MXI1: variants seen among roughly 807,000 people sequenced by gnomAD.
MXI1 encodes the protein max-interacting protein 1.
A neutral mutation model predicts 36.9 loss-of-function variants in MXI1; 18 were observed. The observed-to-expected ratio is 0.49, with a 90% CI of 0.34 to 0.72. MXI1 has a LOEUF of 0.72. Ranked by LOEUF, MXI1 falls within the 30% of genes least tolerant of loss-of-function variation. The pLI, the probability that MXI1 is intolerant of heterozygous loss-of-function variation, is 0.01. For missense variants in MXI1, 304 were observed against 379.1 expected, an observed-to-expected ratio of 0.80 and a Z score of 1.64; for synonymous variants, 160 against 146.7, an observed-to-expected ratio of 1.09 and a Z score of -0.65.
rs1019788567 is a variant in MXI1, at chr10:110,228,057, A to C, written c.275-132A>C. 1.2e-5 allele frequency: 12 copies of C among 1,008,352 alleles called. No individual in the cohort carries two copies. The African/African-American group carries it at 1.9e-4, about 16-fold the overall frequency. The allele number at this position is 1,008,352 out of a possible 1,614,324, so 62.5% of individuals were successfully genotyped here. A position where few individuals can be genotyped will look rare whatever the true frequency, so the allele number is the denominator to read the frequency against. ...GGCGAGGGACATTAATTTTCTAACCAAAAAGAGTGGAAACATTTTACCTCT... is the reference window on the plus strand; with the variant it reads ...GGCGAGGGACATTAATTTTCTAACCCAAAAGAGTGGAAACATTTTACCTCT... On this transcript the variant is annotated intron_variant, in intron 1 of 5. Coordinates refer to ENST00000332674, the MANE Select transcript of MXI1 (RefSeq NM_130439.3).
rs181258971 is a variant in MXI1 at position 110,221,779 on chromosome 10, G to A, written c.275-6410G>A. On this transcript the variant is annotated intron_variant, in intron 1 of 5. Coordinates refer to ENST00000332674, the MANE Select transcript of MXI1 (RefSeq NM_130439.3). ...AAGCAACAAACTTCCAGATTCAGCC[G>A]TCTCAGATAAACACTGCCTCCCCCT... Among the ~76,000 whole-genome samples, 160 of 152,288 alleles carry A rather than the reference G, an allele frequency of 1.1e-3. 1 individual carries two copies. Among genetic ancestry groups the A allele is most frequent in the Middle Eastern group, 3.4e-3 (1 of 294 alleles).
intron 1 of MXI1, among the ~76,000 whole-genome samples, chr10:110,213,054 G>A (rs1476373388): frequency 6.6e-6 from 1 of 152,198 alleles, no homozygotes; most frequent in Non-Finnish European, 1.5e-5. Flanking sequence ...CAGGTTTGGA[G>A]GCCAGGGGAC....
intron 2 of MXI1, among the ~76,000 whole-genome samples, chr10:110,236,354 G>A (rs1030534326): frequency 1.7e-4 from 26 of 151,544 alleles, no homozygotes; most frequent in Non-Finnish European, 3.5e-4. Flanking sequence ...AATTATTATA[G>A]TTTTTCAAAA....
intron 1 of MXI1, chr10:110,227,645 G>A: frequency 1.3e-6 from 1 of 759,638 alleles, no homozygotes; most frequent in Non-Finnish European, 1.6e-6. Flanking sequence ...GTGGAGAGGG[G>A]CCTTTGAATA....
intron 2 of MXI1, among the ~76,000 whole-genome samples, chr10:110,243,191 C>T (rs752332744): frequency 4.0e-5 from 6 of 151,894 alleles, no homozygotes; most frequent in South Asian, 4.1e-4. Flanking sequence ...TTTTGAGCTC[C>T]GAGTCTCTGT....
chr10:110,214,559 G>A (rs1854582244), intron 1 of MXI1, among the ~76,000 whole-genome samples: 2 of 151,912 alleles, frequency 1.3e-5, no homozygotes, highest in African/African-American at 2.4e-5. Flanking sequence ...CTGCAGAAGC[G>A]AATTGGCCAC....
intron 4 of MXI1, among the ~76,000 whole-genome samples, 175 bp downstream of exon 4, chr10:110,279,469 T>G (rs912469479): frequency 3.3e-5 from 5 of 152,246 alleles, no homozygotes; most frequent in Admixed American, 3.3e-4. Context: ...ATAACCTGAT[T>G]AAACTAAATT....
In MXI1 at chr10:110,215,851, C is replaced by G. The variant is rs182770848; in HGVS notation, c.274+7769C>G. On this transcript the variant is annotated intron_variant, in intron 1 of 5. Transcript: ENST00000332674. The stretch of plus-strand genomic sequence containing the variant: ...GGAGGATCCTTCTGGAGGTGGAGCT[C>G]TAGGCTCACAGTGGGGAGAGAGAAA... Among the ~76,000 whole-genome samples the G allele has an allele frequency of 3.9e-5, 6 of 151,938 alleles. No individual in the cohort carries two copies. The East Asian group carries it at 1.2e-3, about 29-fold the overall frequency.
chr10:110,244,841 G>A lies in MXI1; in HGVS notation c.421G>A (p.Glu141Lys), dbSNP rs762358981. ...TSTANRSTHN[E>K]LEKNRRAHLR... ...TTTGTCTTTTAGATCTACACACAATGAGCTGGAAAAGAATCGGTGAGTCAG... is the reference window on the plus strand; with the variant it reads ...TTTGTCTTTTAGATCTACACACAATAAGCTGGAAAAGAATCGGTGAGTCAG... The change falls in exon 3 of 6, where the codon GAG becomes AAG. Residue 141 changes from glutamate to lysine, a missense_variant. This residue lies in a region of MXI1 where 125 missense variants were observed against 194.3 expected (regional missense o/e 0.64). Coordinates refer to ENST00000332674, the MANE Select transcript of MXI1 (RefSeq NM_130439.3). The A allele has an allele frequency of 1.9e-5, 30 of 1,595,592 alleles. No individual in the cohort carries two copies. The highest frequency in any genetic ancestry group is 2.6e-5 in the Non-Finnish European group (30 of 1,171,732).
In MXI1 at chr10:110,220,130, C is replaced by T. The variant is rs539668355; in HGVS notation, c.275-8059C>T. On this transcript the variant is annotated intron_variant, in intron 1 of 5. Coordinates refer to ENST00000332674, the MANE Select transcript of MXI1 (RefSeq NM_130439.3). ...ATAACATGATGTATGCTGTAGGGTCCAAGGGTCAGAAAATTCAAGTTCCAA... is the reference window on the plus strand; with the variant it reads ...ATAACATGATGTATGCTGTAGGGTCTAAGGGTCAGAAAATTCAAGTTCCAA... Among the ~76,000 whole-genome samples, 113 of 152,276 alleles carry T rather than the reference C, an allele frequency of 7.4e-4. 1 individual carries two copies. Among genetic ancestry groups the T allele is most frequent in the South Asian group, 1.7e-3 (8 of 4,824 alleles).
chr10:110,209,242 G>C (rs1304219826), intron 1 of MXI1, among the ~76,000 whole-genome samples: 2 of 152,116 alleles, frequency 1.3e-5, no homozygotes, highest in African/African-American at 4.8e-5. Flanking sequence ...CAGACAGACC[G>C]ACAGATAGGG....
intron 3 of MXI1, chr10:110,257,821 C>T: frequency 2.8e-6 from 1 of 354,052 alleles, no homozygotes; most frequent in Non-Finnish European, 5.7e-6. Context: ...CTGCTGGAAC[C>T]TATTCCCTGT....
chr10:110,245,356 T>A (rs550613343), intron 3 of MXI1, among the ~76,000 whole-genome samples: 300 of 152,258 alleles, frequency 2.0e-3, no homozygotes, highest in Non-Finnish European at 3.5e-3. Context: ...ATATGATAGT[T>A]TTTGTCCTTA....
At chr10:110,240,773 G>C (rs1382779394) in intron 2 of MXI1, among the ~76,000 whole-genome samples, 1 of 151,944 alleles carries the variant, frequency 6.6e-6, no homozygotes, top group African/African-American at 2.4e-5. Context: ...TGTAGAATAT[G>C]CTCTTTTCAT....
chr10:110,282,404 G>GCACT (rs201665098), intron 5 of MXI1, among the ~76,000 whole-genome samples: 7,658 of 152,048 alleles, frequency 0.05, 275 homozygotes, highest in Middle Eastern at 0.15. Flanking sequence ...TTTTTGTGTG[G>GCACT]CAGTTTTCAA....
At chr10:110,216,896 G>A (rs74927557) in intron 1 of MXI1, among the ~76,000 whole-genome samples, 4,310 of 151,808 alleles carry the variant, frequency 0.028, 201 homozygotes, top group African/African-American at 0.096. Context: ...TCGAACTCCT[G>A]GGCTCAAGCC....
chr10:110,225,807 G>T (rs1402661770), intron 1 of MXI1, among the ~76,000 whole-genome samples: 1 of 152,178 alleles, frequency 6.6e-6, no homozygotes, highest in African/African-American at 2.4e-5. Context: ...GAAACCCAGC[G>T]GGACTACACC....
At chr10:110,241,756 T>C (rs939053784) in intron 2 of MXI1, among the ~76,000 whole-genome samples, 22 of 152,076 alleles carry the variant, frequency 1.4e-4, no homozygotes, top group African/African-American at 5.3e-4. Flanking sequence ...ACGTTTTGGG[T>C]AACATAATTT....
intron 1 of MXI1, 95 bp from the exon 2 acceptor site, chr10:110,228,094 C>G: frequency 7.0e-7 from 1 of 1,430,906 alleles, no homozygotes; most frequent in Non-Finnish European, 9.7e-7. Flanking sequence ...TTCCTGCTTT[C>G]AAAAACCTGT....
Sources: allele counts gnomAD v4.1 joint callset (sites outside exome capture counted in the v4.1 genomes callset), GRCh38; gene constraint gnomAD v4.1.1; regional missense constraint gnomAD v4.1.1; transcripts MANE v1.5; gene names NCBI Gene and HGNC (gene_info 2026-07-23, HGNC 2026-07-21).